Variants in TFAP2E observed in about 807,000 individuals in gnomAD.
TFAP2E encodes the protein transcription factor AP-2 epsilon.
Under a neutral mutation model 37.9 loss-of-function variants are expected in TFAP2E, and 30 were observed. That is an observed-to-expected ratio of 0.79 (90% CI 0.59 to 1.07). TFAP2E has a LOEUF of 1.07. Among genes scored for constraint, TFAP2E ranks in the 50% least tolerant of loss-of-function variants. TFAP2E has a pLI of 0.00. For missense variants in TFAP2E, 567 were observed against 637.9 expected (o/e 0.89, Z 1.20); for synonymous variants, 318 against 295.8 (o/e 1.08, Z -0.77).
chr1:35,589,908 G>C, intron 4 of TFAP2E, 22 bp from the exon 5 acceptor site: 1 of 1,611,980 alleles, frequency 6.2e-7, no homozygotes, highest in South Asian at 1.1e-5. Context: ...TTGTATGTCT[G>C]TCTGTCTCTG....
rs1008279521 is a variant in TFAP2E, at chr1:35,577,419, G to A, written c.562+2419G>A. ...TCGTCCTCGGCCCTTCCGACGGCACGAGGAACTCCTGTCCTGCCCCACAGA... is the reference window on the plus strand; with the variant it reads ...TCGTCCTCGGCCCTTCCGACGGCACAAGGAACTCCTGTCCTGCCCCACAGA... On this transcript the variant is annotated intron_variant, in intron 3 of 6. Coordinates refer to ENST00000373235, the MANE Select transcript of TFAP2E (RefSeq NM_178548.4). The surrounding 1 kb of genome is among the most constrained non-coding windows in gnomAD (Gnocchi z 6.3). 16 of 456,672 alleles carry A rather than the reference G, an allele frequency of 3.5e-5. No individual in the cohort carries two copies. The highest frequency in any genetic ancestry group is 6.6e-5 in the Non-Finnish European group (15 of 226,984). 28.3% of individuals were successfully genotyped at this position (456,672 alleles called of 1,614,324 possible). A position where few individuals can be genotyped will look rare whatever the true frequency, so the allele number is the denominator to read the frequency against.
rs1452177967 is a variant in TFAP2E at position 35,588,066 on chromosome 1, C to T, written c.563-264C>T. ...CATCCAGGTCCCTCTCTGATGGCAT[C>T]CGCTAAAACACCAAGATTCCGCTGG... On this transcript the variant is annotated intron_variant, in intron 3 of 6. Coordinates refer to ENST00000373235, the MANE Select transcript of TFAP2E (RefSeq NM_178548.4). The surrounding 1 kb of genome is among the most constrained non-coding windows in gnomAD (Gnocchi z 5.1). 1.3e-5 allele frequency among the ~76,000 whole-genome samples: 2 copies of T among 152,156 alleles called. No homozygotes were observed. The highest frequency in any genetic ancestry group is 4.8e-5 in the African/African-American group (2 of 41,420).
intron 3 of TFAP2E, among the ~76,000 whole-genome samples, chr1:35,583,507 A>G (rs1649406519): frequency 6.6e-6 from 1 of 152,082 alleles, no homozygotes; most frequent in South Asian, 2.1e-4. Flanking sequence ...TCTGTTGCAC[A>G]CTTGCCTAGG....
rs759344197 is a variant in TFAP2E at position 35,594,643 on chromosome 1, G to A, written c.1296G>A (p.Lys432=). The A allele has an allele frequency of 6.2e-7, 1 of 1,614,172 alleles. No homozygotes were observed. Among genetic ancestry groups the A allele is most frequent in the South Asian group, 1.1e-5 (1 of 91,078 alleles). Residue 432 remains lysine (K), a synonymous_variant, in exon 7 of 7, where the codon AAG becomes AAA. Transcript: ENST00000373235. Reference sequence around the variant, plus strand: ...TGGGCAGTGGGCATGGTGAAACCAAGGCTTCGGAGAAGGATGCCAAGCATC... The same window carrying A: ...TGGGCAGTGGGCATGGTGAAACCAAAGCTTCGGAGAAGGATGCCAAGCATC... ...SSVGSGHGET[K]ASEKDAKHRK is the part of the protein sequence containing the mutation.
rs758891054 is a variant in TFAP2E at position 35,594,565 on chromosome 1, G to C, written c.1218G>C (p.Gln406His). ...PAICAALTAF[Q>H]NYLLESLKGL... is the part of the protein sequence containing the mutation. The stretch of plus-strand genomic sequence containing the variant: ...TCTGTGCTGCCCTCACTGCCTTCCA[G>C]AACTATTTGCTGGAGTCACTCAAGG... Residue 406 changes from glutamine to histidine, a missense_variant, in exon 7 of 7, where the codon CAG (glutamine) becomes CAC (histidine). Transcript: ENST00000373235. 3 of 1,614,182 alleles carry C rather than the reference G, an allele frequency of 1.9e-6. No homozygotes were observed. Among genetic ancestry groups the C allele is most frequent in the East Asian group, 2.2e-5 (1 of 44,880 alleles).
At chr1:35,579,312 C>G (rs1649278233) in intron 3 of TFAP2E, among the ~76,000 whole-genome samples, 2 of 151,348 alleles carry the variant, frequency 1.3e-5, no homozygotes, top group South Asian at 4.2e-4. Context: ...AGGAGAATCC[C>G]TTGAACCTGC....
intron 6 of TFAP2E, among the ~76,000 whole-genome samples, chr1:35,592,675 G>A (rs909569555): frequency 1.3e-5 from 2 of 152,160 alleles, no homozygotes; most frequent in Non-Finnish European, 2.9e-5. Context: ...TTATAGGTGT[G>A]AGCCACCACG....
At chr1:35,580,913 A>G (rs996298141) in intron 3 of TFAP2E, among the ~76,000 whole-genome samples, 2 of 152,172 alleles carry the variant, frequency 1.3e-5, no homozygotes, top group African/African-American at 4.8e-5. Flanking sequence ...ACATTGTAAG[A>G]ATATAATTTG....
In TFAP2E at chr1:35,590,072, A is replaced by C. The variant is rs749127968; in HGVS notation, c.904+24A>C. 1 of 1,608,364 alleles carries C rather than the reference A, an allele frequency of 6.2e-7. No homozygotes were observed. ...AGGTGAGTGAGGCCTGAAGGTGGGC[A>C]TGGGAGTGGATGTGAGGGCAAGTGA... On this transcript the variant is annotated intron_variant, in intron 5 of 6. Transcript: ENST00000373235. This position sits in a 1 kb window ranked among gnomAD's most constrained non-coding sequence, Gnocchi z 6.2.
Position 35,574,067 on chromosome 1 carries a change from G to C in TFAP2E, c.168G>C (p.Pro56=), listed in dbSNP as rs1265282832. ...AAAEFQPPYF[P]PPYPQPPLPY... is the part of the protein sequence containing the mutation. ...CCGAATTCCAGCCGCCCTACTTCCCGCCGCCCTACCCGCAGCCACCGCTGC... is the reference window on the plus strand; with the variant it reads ...CCGAATTCCAGCCGCCCTACTTCCCCCCGCCCTACCCGCAGCCACCGCTGC... The change falls in exon 2 of 7, where the codon CCG becomes CCC. Residue 56 remains proline (P), a synonymous_variant. Coordinates refer to ENST00000373235, the MANE Select transcript of TFAP2E (RefSeq NM_178548.4). 2.0e-6 allele frequency: 3 copies of C among 1,481,630 alleles called. No homozygotes were observed. The highest frequency in any genetic ancestry group is 2.2e-5 in the Admixed American group (1 of 46,178). 91.8% of individuals were successfully genotyped at this position (1,481,630 alleles called of 1,614,324 possible). A position where few individuals can be genotyped will look rare whatever the true frequency, so the allele number is the denominator to read the frequency against.
rs1271069918 is a variant in TFAP2E, at chr1:35,577,528, A to G, written c.562+2528A>G. 1.1e-5 allele frequency: 5 copies of G among 451,742 alleles called. No individual in the cohort carries two copies. The highest frequency in any genetic ancestry group is 1.0e-4 in the African/African-American group (5 of 49,988). 28.0% of individuals were successfully genotyped at this position (451,742 alleles called of 1,614,324 possible). A position where few individuals can be genotyped will look rare whatever the true frequency, so the allele number is the denominator to read the frequency against. On this transcript the variant is annotated intron_variant, in intron 3 of 6. Coordinates refer to ENST00000373235, the MANE Select transcript of TFAP2E (RefSeq NM_178548.4). The surrounding 1 kb of genome is among the most constrained non-coding windows in gnomAD (Gnocchi z 6.3). ...AGAAAGTCGCTCTTTGGCCACCTGA[A>G]GCGTCGGATCCCTACAGTGCCTCCC...
In TFAP2E at chr1:35,588,549, G is replaced by A. The variant is rs562706714; in HGVS notation, c.782G>A (p.Arg261His). Residue 261 changes from arginine (R) to histidine (H), a missense_variant, in exon 4 of 7, where the codon CGC (arginine) becomes CAC (histidine). Arg to His is a conservative substitution (Grantham distance 29, BLOSUM62 0). This residue lies in a region of TFAP2E where 252 missense variants were observed against 302.6 expected (regional missense o/e 0.83). Transcript: ENST00000373235. The surrounding 1 kb of genome is among the most constrained non-coding windows in gnomAD (Gnocchi z 5.1). ...LNASLLGGVL[R>H]RAKSKNGGRC... ...GCCTCCCTCCTGGGGGGTGTCCTCC[G>A]CAGGTAGGAAGGCCAGCCCACAATT... 6 of 1,573,628 alleles carry A rather than the reference G, an allele frequency of 3.8e-6. No individual in the cohort carries two copies. The highest frequency in any genetic ancestry group is 1.3e-5 in the African/African-American group (1 of 74,344).
chr1:35,579,758 C>T (rs1258891816), intron 3 of TFAP2E, among the ~76,000 whole-genome samples: 2 of 152,186 alleles, frequency 1.3e-5, no homozygotes, highest in Non-Finnish European at 2.9e-5. Flanking sequence ...ACTGAACTTG[C>T]ACTTCCACAA....
At chr1:35,589,188 C>CTGTGTGTG (rs757213879) in intron 4 of TFAP2E, among the ~76,000 whole-genome samples, 103 of 126,026 alleles carry the variant, frequency 8.2e-4, no homozygotes, top group East Asian at 3.1e-3. Context: ...GTGTCCTGCT[C>CTGTGTGTG]TGTGTGTGTG....
chr1:35,588,220 C>T lies in TFAP2E; in HGVS notation c.563-110C>T. 8.9e-7 allele frequency: 1 copy of T among 1,121,872 alleles called. No homozygotes were observed. The highest frequency in any genetic ancestry group is 1.2e-6 in the Non-Finnish European group (1 of 804,778). The allele number at this position is 1,121,872 out of a possible 1,614,324, so 69.5% of individuals were successfully genotyped here. On this transcript the variant is annotated intron_variant, in intron 3 of 6. Coordinates refer to ENST00000373235, the MANE Select transcript of TFAP2E (RefSeq NM_178548.4). This position sits in a 1 kb window ranked among gnomAD's most constrained non-coding sequence, Gnocchi z 5.1. ...TGAGGGAACTTGGGCGAGTCACTTT[C>T]ACCTCACTGTGGCTCAGTTTCTCCC...
At chr1:35,579,115 C>G (rs1034031564) in intron 3 of TFAP2E, among the ~76,000 whole-genome samples, 6 of 138,462 alleles carry the variant, frequency 4.3e-5, no homozygotes, top group Non-Finnish European at 9.1e-5. Context: ...AAAAAGAGGC[C>G]GGGCGGCGGT....
rs534282616 is a variant in TFAP2E at position 35,582,341 on chromosome 1, A to C, written c.563-5989A>C. Among the ~76,000 whole-genome samples, 11 of 152,126 alleles carry C rather than the reference A, an allele frequency of 7.2e-5. No individual in the cohort carries two copies. The South Asian group carries it at 2.3e-3, about 32-fold the overall frequency. On this transcript the variant is annotated intron_variant, in intron 3 of 6. Coordinates refer to ENST00000373235, the MANE Select transcript of TFAP2E (RefSeq NM_178548.4). Reference sequence around the variant, plus strand: ...TACATATTTGGACCATTTTCTATTTAGGTTGCTATCTTATTGTTGAGTTAT... The same window carrying C: ...TACATATTTGGACCATTTTCTATTTCGGTTGCTATCTTATTGTTGAGTTAT...
In TFAP2E at chr1:35,590,726, G is replaced by A. The variant is rs142726594; in HGVS notation, c.997G>A (p.Ala333Thr). 354 of 1,545,098 alleles carry A rather than the reference G, an allele frequency of 2.3e-4. 1 individual carries two copies. Among genetic ancestry groups the A allele is most frequent in the South Asian group, 3.9e-4 (32 of 82,870 alleles). ...AAAEYLCRQH[A>T]DPGELHSRKS... ...TGCCGAGTACCTGTGCCGACAGCAC[G>A]CTGACCCGGGGGAGCTGCACAGCCG... Residue 333 changes from alanine to threonine, a missense_variant, in exon 6 of 7, where the codon GCT (alanine) becomes ACT (threonine). Around this residue, in one of 3 missense-constraint regions of TFAP2E, gnomAD observed 252 missense variants for 302.6 expected, o/e 0.83. Transcript: ENST00000373235. The surrounding 1 kb of genome is among the most constrained non-coding windows in gnomAD (Gnocchi z 6.2).
intron 3 of TFAP2E, among the ~76,000 whole-genome samples, chr1:35,583,334 G>A (rs963276711): frequency 1.3e-5 from 2 of 151,928 alleles, no homozygotes; most frequent in African/African-American, 4.8e-5. Flanking sequence ...AGTAGAGATG[G>A]GGTTTTCCCA....
Sources: gnomAD v4.1 joint callset for allele counts (sites outside exome capture counted in the v4.1 genomes callset) on GRCh38, gnomAD v4.1.1 for gene constraint, gnomAD v4.1.1 regional missense constraint, Gnocchi (gnomAD v3.1) non-coding constraint, MANE v1.5 for transcripts, NCBI Gene and HGNC (gene_info 2026-07-23, HGNC 2026-07-21) for gene names.